Variants in DNAH6 observed in about 807,000 individuals in gnomAD.
DNAH6 encodes axonemal beta dynein heavy chain 6.
Under a neutral mutation model 491.4 loss-of-function variants are expected in DNAH6, and 340 were observed. The ratio of observed to expected loss-of-function variants is 0.69; its 90% CI spans 0.63 to 0.76. The LOEUF (loss-of-function observed/expected upper bound fraction) is 0.76, where lower values mean the gene tolerates loss of function less well. DNAH6 is among the 30% of genes least tolerant of loss of function. The probability of loss-of-function intolerance (pLI) is 0.00; values close to 1 mark genes in which losing one functional copy is unlikely to be tolerated. For synonymous variants in DNAH6, 1,603 were observed against 1,686.1 expected (o/e 0.95, Z 1.21); for missense variants, 4,443 against 4,972.2 (o/e 0.89, Z 3.20).
the DNAH6 span, among the ~76,000 whole-genome samples, chr2:84,495,560 C>T: frequency 6.6e-6 from 1 of 152,178 alleles, no homozygotes; most frequent in African/African-American, 2.4e-5. Flanking sequence ...TGGCAGGGCT[C>T]ATCACTCATA....
chr2:84,564,690 T>C (rs1681001350), intron 11 of DNAH6, among the ~76,000 whole-genome samples: 1 of 152,208 alleles, frequency 6.6e-6, no homozygotes, highest in Non-Finnish European at 1.5e-5. Flanking sequence ...TTCTTTCTCT[T>C]GCATGATTGC....
At chr2:84,689,192 G>T (rs1250141587) in intron 45 of DNAH6, among the ~76,000 whole-genome samples, 1 of 152,152 alleles carries the variant, frequency 6.6e-6, no homozygotes, top group Non-Finnish European at 1.5e-5. Flanking sequence ...ATCCCATCCT[G>T]TGAAGCAGTC....
chr2:84,812,993 C>T (rs1680141446), intron 73 of DNAH6, 65 bp from the exon 74 acceptor site: 1 of 1,393,002 alleles, frequency 7.2e-7, no homozygotes, highest in African/African-American at 1.4e-5. Context: ...CCAAATAGGA[C>T]TTTGCTTTAG....
rs750043924 is a variant in DNAH6 at position 84,533,954 on chromosome 2, A to G, written c.662+4788A>G. 1.6e-4 allele frequency among the ~76,000 whole-genome samples: 25 copies of G among 152,096 alleles called. 1 individual carries two copies. Among genetic ancestry groups the G allele is most frequent in the Admixed American group, 1.0e-3 (16 of 15,248 alleles). ...CTTTTAATTTTTTTTAAAAATTACA[A>G]TGGGGAAAAGGAGCTAGCTGTGTGT... On this transcript the variant is annotated intron_variant, in intron 4 of 76. Transcript: ENST00000389394.
the DNAH6 span, among the ~76,000 whole-genome samples, chr2:84,467,582 A>G: frequency 6.6e-5 from 10 of 152,134 alleles, no homozygotes; most frequent in Non-Finnish European, 1.0e-4. Context: ...GTGGCATTTT[A>G]TGAGGCATTT....
chr2:84,572,303 G>C (rs1037734411), intron 11 of DNAH6, among the ~76,000 whole-genome samples: 4 of 152,188 alleles, frequency 2.6e-5, no homozygotes, highest in African/African-American at 9.7e-5. Flanking sequence ...TTTGGTGACA[G>C]AGATATGCAG....
At chr2:84,517,788 C>A in intron 1 of DNAH6, 31 bp from the exon 2 acceptor site, 1 of 1,506,348 alleles carries the variant, frequency 6.6e-7, no homozygotes, top group South Asian at 1.2e-5. Context: ...ATCTACTTTT[C>A]ATTTTCTTTT....
In DNAH6 at chr2:84,595,705, A is replaced by T; in HGVS notation, c.2784A>T (p.Lys928Asn). The T allele has an allele frequency of 1.9e-6, 3 of 1,551,480 alleles. No individual in the cohort carries two copies. Among genetic ancestry groups the T allele is most frequent in the Non-Finnish European group, 2.6e-6 (3 of 1,146,880 alleles). The change falls in exon 18 of 77, where the codon AAA (lysine) becomes AAT (asparagine). Residue 928 changes from lysine to asparagine, a missense_variant. This residue lies in a region of DNAH6 where 2,977 missense variants were observed against 3,296.6 expected (regional missense o/e 0.90). Transcript: ENST00000389394. ...VLNGQVSKYA[K>N]FVTQLEKGLP... ...ACGGTCAAGTTTCTAAATATGCTAA[A>T]TTTGTGACTCAACTGGAAAAAGGCT...
intron 63 of DNAH6, among the ~76,000 whole-genome samples, chr2:84,754,218 C>T (rs747719922): frequency 3.3e-5 from 5 of 150,422 alleles, no homozygotes; most frequent in Admixed American, 6.6e-5. Flanking sequence ...TTGCCCTTGT[C>T]GCCCAGGCTG....
intron 44 of DNAH6, among the ~76,000 whole-genome samples, chr2:84,688,009 C>A (rs1026827518): frequency 2.6e-5 from 4 of 151,952 alleles, no homozygotes; most frequent in Non-Finnish European, 5.9e-5. Context: ...CAGAAGCGGG[C>A]AGATTATTTG....
intron 62 of DNAH6, among the ~76,000 whole-genome samples, chr2:84,740,867 G>T (rs1441322408): frequency 6.6e-6 from 1 of 152,084 alleles, no homozygotes; most frequent in East Asian, 1.9e-4. Context: ...TACTACTGGG[G>T]CACTCTCCAC....
At chr2:84,496,470 T>G in the DNAH6 span, among the ~76,000 whole-genome samples, 1 of 152,244 alleles carries the variant, frequency 6.6e-6, no homozygotes, top group South Asian at 2.1e-4. Context: ...TAATACTTAA[T>G]GTAACTTTAA....
chr2:84,525,805 A>G (rs1676557995), intron 3 of DNAH6, 67 bp downstream of exon 3: 2 of 1,143,480 alleles, frequency 1.7e-6, no homozygotes, highest in South Asian at 3.2e-5. Flanking sequence ...TTGCTAGCAT[A>G]CTTTTAACTC....
intron 35 of DNAH6, among the ~76,000 whole-genome samples, chr2:84,658,067 C>T (rs1167007238): frequency 6.6e-6 from 1 of 151,848 alleles, no homozygotes; most frequent in Non-Finnish European, 1.5e-5. Context: ...ATTGCCAGAC[C>T]AAGAAATAGA....
At chr2:84,625,619 T>C (rs1687787714) in intron 29 of DNAH6, among the ~76,000 whole-genome samples, 1 of 152,196 alleles carries the variant, frequency 6.6e-6, no homozygotes, top group Admixed American at 6.5e-5. Flanking sequence ...TTTTATATAT[T>C]TATTTGTTAA....
At chr2:84,488,554 C>T in the DNAH6 span, among the ~76,000 whole-genome samples, 7 of 152,130 alleles carry the variant, frequency 4.6e-5, no homozygotes, top group East Asian at 1.9e-4. Context: ...GGCTCCTGGC[C>T]GCTTCTTTCA....
intron 1 of DNAH6, 47 bp from the exon 2 acceptor site, chr2:84,517,772 C>G: frequency 6.9e-7 from 1 of 1,440,056 alleles, no homozygotes. Context: ...TTCCCCAATC[C>G]TTTTGATCTA....
intron 62 of DNAH6, among the ~76,000 whole-genome samples, chr2:84,740,967 C>T (rs1672471111): frequency 6.6e-6 from 1 of 152,130 alleles, no homozygotes; most frequent in Admixed American, 6.5e-5. Context: ...CTTGCTGTGG[C>T]CACCGCTGCC....
chr2:84,675,022 C>G (rs961707776), intron 40 of DNAH6, among the ~76,000 whole-genome samples: 6 of 152,216 alleles, frequency 3.9e-5, no homozygotes, highest in African/African-American at 1.4e-4. Context: ...TGTCCTCTAC[C>G]TGGAAGGGCC....
Sources: allele counts gnomAD v4.1 joint callset (sites outside exome capture counted in the v4.1 genomes callset), GRCh38; gene constraint gnomAD v4.1.1; regional missense constraint gnomAD v4.1.1; transcripts MANE v1.5; gene names NCBI Gene and HGNC (gene_info 2026-07-23, HGNC 2026-07-21).